SMAD2: variants seen among roughly 807,000 people sequenced by gnomAD.
SMAD2 encodes MAD homolog 2.
Under a neutral mutation model 64.4 loss-of-function variants are expected in SMAD2, and 8 were observed. That is an observed-to-expected ratio of 0.12 (90% CI 0.07 to 0.22). SMAD2 has a LOEUF of 0.22. Ranked by LOEUF, SMAD2 falls within the 10% of genes least tolerant of loss-of-function variation. The probability of loss-of-function intolerance (pLI) is 1.00; values close to 1 mark genes in which losing one functional copy is unlikely to be tolerated. For missense variants in SMAD2, 289 were observed against 561.2 expected, an observed-to-expected ratio of 0.51 and a Z score of 4.90; for synonymous variants, 203 against 195.8, an observed-to-expected ratio of 1.04 and a Z score of -0.31.
chr18:47,844,278 A>C (rs1381588502), intron 10 of SMAD2, among the ~76,000 whole-genome samples: 1 of 152,218 alleles, frequency 6.6e-6, no homozygotes, highest in African/African-American at 2.4e-5. Flanking sequence ...AAAACTTAAG[A>C]TAGACAAGCA....
At chr18:47,868,503 G>C in intron 4 of SMAD2, 46 bp from the exon 5 acceptor site, 1 of 1,561,118 alleles carries the variant, frequency 6.4e-7, no homozygotes, top group Non-Finnish European at 8.8e-7. Flanking sequence ...GAGCAAAGGG[G>C]AGTGGGGGAA....
intron 6 of SMAD2, among the ~76,000 whole-genome samples, chr18:47,861,688 T>A (rs1309090414): frequency 6.6e-6 from 1 of 152,206 alleles, no homozygotes; most frequent in African/African-American, 2.4e-5. Flanking sequence ...AAATCTTACT[T>A]TCCTATTTTA....
chr18:47,844,649 C>CA (rs1914315767), intron 10 of SMAD2, among the ~76,000 whole-genome samples: 1 of 152,196 alleles, frequency 6.6e-6, no homozygotes, highest in South Asian at 2.1e-4. Context: ...TAACCTTGGG[C>CA]AAATTATCAG....
chr18:47,888,072 G>C (rs943191109), intron 2 of SMAD2, among the ~76,000 whole-genome samples: 3 of 152,044 alleles, frequency 2.0e-5, no homozygotes, highest in African/African-American at 7.2e-5. Context: ...CTCAGATTTG[G>C]GGTAAATACC....
intron 1 of SMAD2, among the ~76,000 whole-genome samples, chr18:47,910,665 C>T (rs1018903677): frequency 6.6e-6 from 1 of 152,192 alleles, no homozygotes; most frequent in Non-Finnish European, 1.5e-5. Flanking sequence ...AGGATGAAGA[C>T]CTTCATGATG....
rs982455567 is a variant in SMAD2 at position 47,833,296 on chromosome 18, T to C, written c.*8531A>G. 1.4e-5 allele frequency: 3 copies of C among 216,930 alleles called. No homozygotes were observed. The Admixed American group carries it at 1.7e-4, about 13-fold the overall frequency. 13.4% of individuals were successfully genotyped at this position (216,930 alleles called of 1,614,324 possible). ...AATGTTTTCTTAAGCAGAACTTTTT[T>C]TGTACTTTAAATAGACTAAAATATT... On this transcript the variant is annotated 3_prime_UTR_variant, in exon 11 of 11. Coordinates refer to ENST00000262160, the MANE Select transcript of SMAD2 (RefSeq NM_005901.6).
In SMAD2 at chr18:47,816,519, T is replaced by C. The variant is rs1298598270; in HGVS notation, c.*25308A>G. On this transcript the variant is annotated 3_prime_UTR_variant, in exon 11 of 11. Transcript: ENST00000262160. ...CACGTCCAATATATTTTCTATGTACTGTGAAAGCTTTTGGGAAAATAAAGC... is the reference window on the plus strand; with the variant it reads ...CACGTCCAATATATTTTCTATGTACCGTGAAAGCTTTTGGGAAAATAAAGC... 2 of 152,238 alleles carry C rather than the reference T, an allele frequency of 1.3e-5. No individual in the cohort carries two copies. The highest frequency in any genetic ancestry group is 2.9e-5 in the Non-Finnish European group (2 of 68,046). The allele number at this position is 152,238 out of a possible 1,614,324, so 9.4% of individuals were successfully genotyped here. A position where few individuals can be genotyped will look rare whatever the true frequency, so the allele number is the denominator to read the frequency against.
chr18:47,927,848 G>A (rs891714235), intron 1 of SMAD2, among the ~76,000 whole-genome samples: 3 of 152,162 alleles, frequency 2.0e-5, no homozygotes, highest in Non-Finnish European at 4.4e-5. Context: ...GCGGTGAGCC[G>A]AGATCGTGCC....
chr18:47,909,887 T>C (rs1341569900), intron 1 of SMAD2, among the ~76,000 whole-genome samples: 1 of 152,114 alleles, frequency 6.6e-6, no homozygotes, highest in Non-Finnish European at 1.5e-5. Flanking sequence ...AACACATTAA[T>C]AACATCTCTA....
rs957312456 is a variant in SMAD2, at chr18:47,825,692, C to G, written c.*16135G>C. 6.6e-6 allele frequency: 1 copy of G among 152,238 alleles called. No homozygotes were observed. Among genetic ancestry groups the G allele is most frequent in the Non-Finnish European group, 1.5e-5 (1 of 68,058 alleles). 9.4% of individuals were successfully genotyped at this position (152,238 alleles called of 1,614,324 possible). On this transcript the variant is annotated 3_prime_UTR_variant, in exon 11 of 11. Transcript: ENST00000262160. ...TGTCGACTCCACTTTCAAGGGCTAC[C>G]AAGCACAGCCACATCACCAAAGAGA...
intron 1 of SMAD2, among the ~76,000 whole-genome samples, chr18:47,923,834 G>A (rs1245238412): frequency 2.0e-5 from 3 of 152,104 alleles, no homozygotes; most frequent in South Asian, 2.1e-4. Context: ...TACTGGTTTC[G>A]AGCAGAAATG....
chr18:47,853,621 A>G (rs2030368055), intron 6 of SMAD2, among the ~76,000 whole-genome samples: 1 of 152,126 alleles, frequency 6.6e-6, no homozygotes, highest in African/African-American at 2.4e-5. Flanking sequence ...ATACCAGGCA[A>G]TAAAGGTGAA....
At chr18:47,856,234 A>C (rs1792658) in intron 6 of SMAD2, among the ~76,000 whole-genome samples, 38,050 of 151,882 alleles carry the variant, frequency 0.25, 5,153 homozygotes, top group East Asian at 0.48. Flanking sequence ...AAAGGGTATA[A>C]AGTTGCAGAT....
At chr18:47,927,813 C>T (rs973990588) in intron 1 of SMAD2, among the ~76,000 whole-genome samples, 4 of 152,146 alleles carry the variant, frequency 2.6e-5, no homozygotes, top group Non-Finnish European at 4.4e-5. Flanking sequence ...GCAGGAGAAG[C>T]GCTTGAACCC....
chr18:47,833,052 C>T lies in SMAD2; in HGVS notation c.*8775G>A, dbSNP rs941887934. On this transcript the variant is annotated 3_prime_UTR_variant, in exon 11 of 11. Coordinates refer to ENST00000262160, the MANE Select transcript of SMAD2 (RefSeq NM_005901.6). ...AATGTAATCCCATATAAAAAAAGAT[C>T]AGTTTAAATAAAAATTAAAACAATT... is the stretch of plus-strand genomic sequence containing the variant. 5.5e-6 allele frequency: 1 copy of T among 180,438 alleles called. No homozygotes were observed. Among genetic ancestry groups the T allele is most frequent in the Non-Finnish European group, 1.2e-5 (1 of 84,214 alleles). The allele number at this position is 180,438 out of a possible 1,614,324, so 11.2% of individuals were successfully genotyped here. A position where few individuals can be genotyped will look rare whatever the true frequency, so the allele number is the denominator to read the frequency against.
chr18:47,850,513 TAA>T (rs1238769377), intron 7 of SMAD2, among the ~76,000 whole-genome samples: 1 of 26,680 alleles, frequency 3.7e-5, no homozygotes, highest in Non-Finnish European at 5.9e-5. Context: ...GTTATATATA[TAA>T]TATATATTAT....
At chr18:47,857,181 A>G (rs149428064) in intron 6 of SMAD2, among the ~76,000 whole-genome samples, 1 of 152,212 alleles carries the variant, frequency 6.6e-6, no homozygotes, top group East Asian at 1.9e-4. Context: ...ATGCTGTATC[A>G]TAATCTTATG....
At chr18:47,855,282 A>C (rs772168109) in intron 6 of SMAD2, among the ~76,000 whole-genome samples, 6 of 152,174 alleles carry the variant, frequency 3.9e-5, no homozygotes, top group Non-Finnish European at 8.8e-5. Flanking sequence ...GGTTGCTTCC[A>C]AGTTTTGGAA....
chr18:47,856,661 A>G lies in SMAD2; in HGVS notation c.731-5334T>C, dbSNP rs371325320. 2.7e-4 allele frequency among the ~76,000 whole-genome samples: 41 copies of G among 152,262 alleles called. No individual in the cohort carries two copies. In the South Asian group the frequency reaches 8.3e-3, roughly 31 times the overall value. ...AAACCAGCCAGACATATAGTGTAAT[A>G]AACAAGAACAGGAACTCTAGAATCT... is the stretch of plus-strand genomic sequence containing the variant. On this transcript the variant is annotated intron_variant, in intron 6 of 10. Coordinates refer to ENST00000262160, the MANE Select transcript of SMAD2 (RefSeq NM_005901.6).
Sources: allele counts gnomAD v4.1 joint callset (sites outside exome capture counted in the v4.1 genomes callset), GRCh38; gene constraint gnomAD v4.1.1; transcripts MANE v1.5; gene names NCBI Gene and HGNC (gene_info 2026-07-23, HGNC 2026-07-21).